Variants in KDM2A observed in about 807,000 individuals in gnomAD.
KDM2A encodes the protein lysine demethylase 2A, also known as lysine-specific demethylase 2A.
KDM2A carries 3 observed loss-of-function variants against 137.3 expected under a neutral mutation model. The observed-to-expected ratio is 0.02, with a 90% CI of 0.01 to 0.06. The LOEUF (loss-of-function observed/expected upper bound fraction) is 0.06, where lower values mean the gene tolerates loss of function less well. Among genes scored for constraint, KDM2A ranks in the 10% least tolerant of loss-of-function variants. The pLI, the probability that KDM2A is intolerant of heterozygous loss-of-function variation, is 1.00. For missense variants in KDM2A, 738 were observed against 1,510.6 expected (o/e 0.49, Z 8.48); for synonymous variants, 512 against 541.5 (o/e 0.95, Z 0.76).
In KDM2A at chr11:67,248,381, C is replaced by T. The variant is rs1022880123; in HGVS notation, c.2055+11C>T. 14 of 1,580,992 alleles carry T rather than the reference C, an allele frequency of 8.9e-6. No homozygotes were observed. The highest frequency in any genetic ancestry group is 1.2e-5 in the Non-Finnish European group (14 of 1,159,672). On this transcript the variant is annotated intron_variant, in intron 16 of 20. Coordinates refer to ENST00000529006, the MANE Select transcript of KDM2A (RefSeq NM_012308.3). The stretch of plus-strand genomic sequence containing the variant: ...TCGGAGAAAGCCCAGGTAAAGGAAC[C>T]TTATCAGATTTGCACTGTGACAGAA...
At chr11:67,199,682 AAC>A (rs1237101905) in intron 5 of KDM2A, among the ~76,000 whole-genome samples, 1 of 152,218 alleles carries the variant, frequency 6.6e-6, no homozygotes, top group Non-Finnish European at 1.5e-5. Flanking sequence ...AAGTTTAAGA[AAC>A]CATCTTTGTA....
At chr11:67,249,802 G>A (rs1181210344) in intron 16 of KDM2A, among the ~76,000 whole-genome samples, 1 of 152,148 alleles carries the variant, frequency 6.6e-6, no homozygotes, top group Non-Finnish European at 1.5e-5. Flanking sequence ...ACAGAAATAC[G>A]TCTCTTGGGT....
At chr11:67,163,559 A>G (rs1420334695) in intron 2 of KDM2A, among the ~76,000 whole-genome samples, 1 of 152,166 alleles carries the variant, frequency 6.6e-6, no homozygotes, top group Non-Finnish European at 1.5e-5. Flanking sequence ...CATGTTCAAA[A>G]TCACAATTGC....
At chr11:67,192,710 G>A (rs1857387308) in intron 5 of KDM2A, among the ~76,000 whole-genome samples, 1 of 151,910 alleles carries the variant, frequency 6.6e-6, no homozygotes, top group Non-Finnish European at 1.5e-5. Context: ...CTCCCAAAGT[G>A]CTAGGATTAC....
At chr11:67,187,403 A>G (rs1238223642) in intron 5 of KDM2A, among the ~76,000 whole-genome samples, 1 of 152,166 alleles carries the variant, frequency 6.6e-6, no homozygotes, top group African/African-American at 2.4e-5. Context: ...GCTGTCCACA[A>G]GAGACTCACT....
intron 2 of KDM2A, among the ~76,000 whole-genome samples, chr11:67,141,677 AAAAAAAT>A (rs1357894986): frequency 1.3e-5 from 1 of 75,594 alleles, no homozygotes; most frequent in Non-Finnish European, 2.3e-5. Context: ...AAAAAAAAAA[AAAAAAAT>A]ATATATATAT....
intron 2 of KDM2A, among the ~76,000 whole-genome samples, chr11:67,178,110 A>G (rs1407019932): frequency 6.6e-6 from 1 of 152,212 alleles, no homozygotes; most frequent in Non-Finnish European, 1.5e-5. Context: ...CTCCTCATTT[A>G]AAGTGTACAA....
chr11:67,224,637 T>C (rs967400816), intron 10 of KDM2A, among the ~76,000 whole-genome samples: 2 of 150,426 alleles, frequency 1.3e-5, no homozygotes, highest in Non-Finnish European at 3.0e-5. Flanking sequence ...CCGGCCAATT[T>C]TTATATTTTT....
chr11:67,126,114 C>T lies in KDM2A; in HGVS notation c.42+4756C>T, dbSNP rs964897870. On this transcript the variant is annotated intron_variant, in intron 2 of 20. Transcript: ENST00000529006. Reference sequence around the variant, plus strand: ...ATACAAAATTAGCCGAACGTGGTGACGCATGCCTGTAATCCCAGCTACTCA... The same window carrying T: ...ATACAAAATTAGCCGAACGTGGTGATGCATGCCTGTAATCCCAGCTACTCA... Among the ~76,000 whole-genome samples the T allele has an allele frequency of 3.5e-5, 5 of 141,678 alleles. 1 individual carries two copies. Among genetic ancestry groups the T allele is most frequent in the South Asian group, 4.6e-4 (2 of 4,384 alleles). The allele number at this position is 141,678 out of a possible 152,430, so 92.9% of individuals were successfully genotyped here.
At chr11:67,144,783 C>T (rs1342389527) in intron 2 of KDM2A, among the ~76,000 whole-genome samples, 1 of 151,652 alleles carries the variant, frequency 6.6e-6, no homozygotes, top group Non-Finnish European at 1.5e-5. Flanking sequence ...CCAGGTTGGT[C>T]TTGAACTCCT....
chr11:67,226,808 T>G (rs1222182327), intron 10 of KDM2A, among the ~76,000 whole-genome samples: 2 of 152,288 alleles, frequency 1.3e-5, no homozygotes, highest in Non-Finnish European at 2.9e-5. Context: ...CGCGAGCTGC[T>G]CTTTTATTTT....
chr11:67,212,403 T>C (rs991713949), intron 6 of KDM2A, among the ~76,000 whole-genome samples: 2 of 152,112 alleles, frequency 1.3e-5, no homozygotes, highest in Admixed American at 6.6e-5. Flanking sequence ...TGAGAAGAGA[T>C]TATTTAGTGC....
At chr11:67,214,799 G>A (rs1308624904) in intron 6 of KDM2A, among the ~76,000 whole-genome samples, 2 of 152,082 alleles carry the variant, frequency 1.3e-5, no homozygotes, top group East Asian at 3.8e-4. Context: ...TGAGTTTGAG[G>A]GCCTTATATA....
chr11:67,195,070 C>A (rs553514713), intron 5 of KDM2A, among the ~76,000 whole-genome samples: 2 of 152,230 alleles, frequency 1.3e-5, no homozygotes, highest in South Asian at 4.1e-4. Context: ...TAGACAGAGG[C>A]AATAACCTAA....
chr11:67,215,797 G>A, intron 7 of KDM2A, 59 bp from the exon 8 acceptor site: 1 of 1,254,622 alleles, frequency 8.0e-7, no homozygotes, highest in Non-Finnish European at 1.2e-6. Context: ...TGGCATTTTG[G>A]TGGGGCAGAT....
intron 15 of KDM2A, among the ~76,000 whole-genome samples, chr11:67,247,061 ATATATATATATTTTTTTT>A (rs1859254457): frequency 8.2e-5 from 2 of 24,478 alleles, no homozygotes; most frequent in Admixed American, 7.1e-4. Context: ...ATATATATAT[ATATATATATATTTTTTTT>A]TTTTTTTTTT....
At chr11:67,145,983 GTTTTGTTTTT>G (rs200212765) in intron 2 of KDM2A, among the ~76,000 whole-genome samples, 16 of 135,094 alleles carry the variant, frequency 1.2e-4, no homozygotes, top group African/African-American at 2.6e-4. Flanking sequence ...CCCGTTTTTT[GTTTTGTTTTT>G]TTTTGTTTTT....
At chr11:67,235,604 TTTTTGTTTTG>T (rs57740370) in intron 12 of KDM2A, among the ~76,000 whole-genome samples, 3,979 of 138,780 alleles carry the variant, frequency 0.029, 72 homozygotes, top group East Asian at 0.053. Context: ...CCCGGCTGCT[TTTTTGTTTTG>T]TTTTGTTTTG....
intron 5 of KDM2A, among the ~76,000 whole-genome samples, chr11:67,187,193 C>G (rs1035077943): frequency 1.3e-5 from 2 of 151,912 alleles, no homozygotes; most frequent in African/African-American, 4.8e-5. Flanking sequence ...CACATTTCAC[C>G]AAATAAATGT....
Sources: gnomAD v4.1 joint callset for allele counts (sites outside exome capture counted in the v4.1 genomes callset) on GRCh38, gnomAD v4.1.1 for gene constraint, MANE v1.5 for transcripts, NCBI Gene and HGNC (gene_info 2026-07-23, HGNC 2026-07-21) for gene names.